NTM: variants seen among roughly 807,000 people sequenced by gnomAD.
The protein encoded by NTM is IgLON family member 2.
NTM carries 13 observed loss-of-function variants against 42.1 expected under a neutral mutation model. That is an observed-to-expected ratio of 0.31 (90% confidence interval 0.20 to 0.49). The LOEUF is 0.49. Ranked by LOEUF, NTM falls within the 20% of genes least tolerant of loss-of-function variation. The pLI, the probability that NTM is intolerant of heterozygous loss-of-function variation, is 0.99. For synonymous variants in NTM, 187 were observed against 179.2 expected, an observed-to-expected ratio of 1.04 and a Z score of -0.35; for missense variants, 373 against 452.8, an observed-to-expected ratio of 0.82 and a Z score of 1.60.
At chr11:132,277,863 G>A (rs1022196773) in intron 4 of NTM, among the ~76,000 whole-genome samples, 3 of 152,152 alleles carry the variant, frequency 2.0e-5, no homozygotes, top group African/African-American at 4.8e-5. Flanking sequence ...CTGTGCTACT[G>A]TTTAATGAGA....
intron 1 of NTM, among the ~76,000 whole-genome samples, chr11:131,660,033 T>A (rs1373372581): frequency 6.6e-6 from 1 of 152,154 alleles, no homozygotes; most frequent in East Asian, 1.9e-4. Flanking sequence ...TTCTTGCAAG[T>A]AGAATGCTCA....
At chr11:131,557,338 C>T (rs2055579415) in intron 1 of NTM, among the ~76,000 whole-genome samples, 1 of 152,128 alleles carries the variant, frequency 6.6e-6, no homozygotes. Context: ...TCCACCTGAT[C>T]ATTGACGCCC....
chr11:131,755,376 C>T (rs894054071), intron 1 of NTM, among the ~76,000 whole-genome samples: 1 of 152,046 alleles, frequency 6.6e-6, no homozygotes, highest in African/African-American at 2.4e-5. Context: ...ATGACCTTCC[C>T]CTTGACTGTA....
At position 132,203,676 on chromosome 11, in the gene NTM, G is replaced by A. The variant is rs189951237; in HGVS notation, c.401-8346G>A. ...GGAGGCTGAGGCGGGCAGATCACGAGGTCAGGAGATCGAGACCATCCTGGC... is the reference window on the plus strand; with the variant it reads ...GGAGGCTGAGGCGGGCAGATCACGAAGTCAGGAGATCGAGACCATCCTGGC... On this transcript the variant is annotated intron_variant, in intron 3 of 8. Coordinates refer to ENST00000683400, the MANE Select transcript of NTM (RefSeq NM_001352005.2). 4.0e-3 allele frequency among the ~76,000 whole-genome samples: 615 copies of A among 152,260 alleles called. 1 individual carries two copies. The highest frequency in any genetic ancestry group is 6.5e-3 in the Non-Finnish European group (442 of 68,016).
intron 1 of NTM, among the ~76,000 whole-genome samples, chr11:131,737,447 A>T (rs1352068038): frequency 2.6e-5 from 4 of 152,212 alleles, no homozygotes; most frequent in African/African-American, 7.2e-5. Context: ...TAGAAGAGAA[A>T]CCATTCATGT....
intron 1 of NTM, among the ~76,000 whole-genome samples, chr11:131,813,147 AGC>A (rs1179724731): frequency 1.3e-5 from 2 of 152,224 alleles, no homozygotes; most frequent in East Asian, 1.9e-4. Flanking sequence ...ACTGTCATTC[AGC>A]GTGTAGTGCT....
At chr11:131,524,257 A>T (rs2050156857) in intron 1 of NTM, among the ~76,000 whole-genome samples, 1 of 152,182 alleles carries the variant, frequency 6.6e-6, no homozygotes, top group Non-Finnish European at 1.5e-5. Flanking sequence ...TGGTGTCTCA[A>T]GATGTTTCTA....
chr11:132,205,238 GGT>G (rs2081805763), intron 3 of NTM, among the ~76,000 whole-genome samples: 1 of 152,118 alleles, frequency 6.6e-6, no homozygotes, highest in African/African-American at 2.4e-5. Flanking sequence ...GCAGTTACCT[GGT>G]CCAAGTGGCT....
chr11:131,915,979 G>C (rs2056286417), intron 2 of NTM, among the ~76,000 whole-genome samples: 1 of 152,212 alleles, frequency 6.6e-6, no homozygotes, highest in Admixed American at 6.5e-5. Flanking sequence ...TGGGTGTTTG[G>C]GTGTGGAAAG....
At chr11:132,055,339 C>T (rs1177808408) in intron 2 of NTM, among the ~76,000 whole-genome samples, 1 of 152,162 alleles carries the variant, frequency 6.6e-6, no homozygotes, top group Non-Finnish European at 1.5e-5. Flanking sequence ...GGCCGGCATG[C>T]CCAGGGCTGA....
chr11:131,776,910 G>A (rs2087097829), intron 1 of NTM, among the ~76,000 whole-genome samples: 1 of 152,080 alleles, frequency 6.6e-6, no homozygotes, highest in Non-Finnish European at 1.5e-5. Flanking sequence ...TATTACTTCT[G>A]CTCGATCCCA....
chr11:132,319,108 A>T (rs2095501720), intron 7 of NTM, among the ~76,000 whole-genome samples: 1 of 152,256 alleles, frequency 6.6e-6, no homozygotes, highest in African/African-American at 2.4e-5. Context: ...GACGTAAAAT[A>T]GAGAGCAGTA....
chr11:131,609,617 C>T (rs1235087777), intron 1 of NTM, among the ~76,000 whole-genome samples: 1 of 152,218 alleles, frequency 6.6e-6, no homozygotes, highest in East Asian at 1.9e-4. Context: ...CTGTGGTTTG[C>T]ATTTGAGCTG....
At chr11:131,405,250 T>TTA (rs1475006479) in intron 1 of NTM, among the ~76,000 whole-genome samples, 1 of 152,226 alleles carries the variant, frequency 6.6e-6, no homozygotes, top group African/African-American at 2.4e-5. Flanking sequence ...AGATTACATC[T>TTA]GTTGACTGCC....
intron 1 of NTM, among the ~76,000 whole-genome samples, chr11:131,496,439 C>T (rs1056590165): frequency 6.6e-6 from 1 of 152,352 alleles, no homozygotes; most frequent in Non-Finnish European, 1.5e-5. Flanking sequence ...TAGCACTCAG[C>T]GTCTTGCTGC....
At chr11:131,598,826 CTTCT>C (rs1174503279) in intron 1 of NTM, among the ~76,000 whole-genome samples, 1,151 of 40,408 alleles carry the variant, frequency 0.028, 194 homozygotes, top group African/African-American at 0.072. Flanking sequence ...TTCTTTCTTT[CTTCT>C]TTCTTTCTTT....
chr11:131,594,311 G>T lies in NTM; in HGVS notation c.82+223423G>T, dbSNP rs369074099. Among the ~76,000 whole-genome samples, 6 of 152,308 alleles carry T rather than the reference G, an allele frequency of 3.9e-5. No individual in the cohort carries two copies. In the East Asian group the frequency reaches 1.2e-3, roughly 29 times the overall value. On this transcript the variant is annotated intron_variant, in intron 1 of 8. Transcript: ENST00000683400. ...CAAGAACTGAGTGCTTGCATTAGTT[G>T]AGTATATTAGGAGTTGGTTCTCTTT...
chr11:131,921,783 A>G (rs1475419793), intron 2 of NTM, among the ~76,000 whole-genome samples: 4 of 152,178 alleles, frequency 2.6e-5, no homozygotes, highest in East Asian at 1.9e-4. Flanking sequence ...AAAGAAGCCA[A>G]TCAGGGTGGA....
At chr11:131,432,386 C>T (rs967954459) in intron 1 of NTM, among the ~76,000 whole-genome samples, 2 of 152,182 alleles carry the variant, frequency 1.3e-5, no homozygotes, top group African/African-American at 4.8e-5. Context: ...GAATAAGTTT[C>T]TGTGTGAGAA....
Sources: allele counts gnomAD v4.1 joint callset (sites outside exome capture counted in the v4.1 genomes callset), GRCh38; gene constraint gnomAD v4.1.1; transcripts MANE v1.5; gene names NCBI Gene and HGNC (gene_info 2026-07-23, HGNC 2026-07-21).